Variants in COL14A1 observed in about 807,000 individuals in gnomAD.
The protein encoded by COL14A1 is collagen alpha-1(XIV) chain.
A neutral mutation model predicts 230.3 loss-of-function variants in COL14A1; 136 were observed. That is an observed-to-expected ratio of 0.59 (90% CI 0.51 to 0.68). The LOEUF (loss-of-function observed/expected upper bound fraction) is 0.68, where lower values mean the gene tolerates loss of function less well. Ranked by LOEUF, COL14A1 falls within the 30% of genes least tolerant of loss-of-function variation. COL14A1 has a pLI of 0.00. For synonymous variants in COL14A1, 792 were observed against 784.1 expected (o/e 1.01, Z -0.17); for missense variants, 1,976 against 2,215.8 (o/e 0.89, Z 2.17).
At position 120,285,882 on chromosome 8, in the gene COL14A1, A is replaced by G. The variant is rs1467442420; in HGVS notation, c.3989A>G (p.Tyr1330Cys). ...ILDNGGKTLTYFNYDQSGDFQ... is the reference protein window; with the variant it reads ...ILDNGGKTLTCFNYDQSGDFQ... ...ATAGATGGTGGGAAAACTCTAACAT[A>G]TTTCAACTATGACCAGAGTGGGGAT... Residue 1330 changes from tyrosine (Y) to cysteine (C), a missense_variant, in exon 33 of 48, where the codon TAT becomes TGT. Tyr to Cys is a radical substitution (Grantham distance 194). Around this residue, in one of 3 missense-constraint regions of COL14A1, gnomAD observed 1,791 missense variants for 2,019.5 expected, o/e 0.89. Transcript: ENST00000297848. 1.2e-6 allele frequency: 2 copies of G among 1,604,834 alleles called. No individual in the cohort carries two copies. The highest frequency in any genetic ancestry group is 1.7e-6 in the Non-Finnish European group (2 of 1,174,368).
chr8:120,324,092 A>T (rs1821565638), intron 40 of COL14A1, among the ~76,000 whole-genome samples: 1 of 152,096 alleles, frequency 6.6e-6, no homozygotes. Context: ...AGACAGGAGG[A>T]TGAGGATCAA....
At chr8:120,255,413 C>A in intron 23 of COL14A1, 57 bp downstream of exon 23, 4 of 1,253,896 alleles carry the variant, frequency 3.2e-6, no homozygotes, top group South Asian at 1.2e-5. Context: ...TGATTCTTTG[C>A]ACACCACTGT....
At chr8:120,247,528 T>C (rs1262612066) in intron 20 of COL14A1, 85 bp from the exon 21 acceptor site, 3 of 1,228,518 alleles carry the variant, frequency 2.4e-6, no homozygotes, top group Non-Finnish European at 3.3e-6. Flanking sequence ...TGTGGGAAGA[T>C]GTCTTATATT....
chr8:120,218,123 T>C (rs1301393107), intron 14 of COL14A1, among the ~76,000 whole-genome samples: 2 of 137,950 alleles, frequency 1.4e-5, no homozygotes, highest in East Asian at 3.9e-4. Flanking sequence ...TATATATCTA[T>C]ATAAAAATAT....
intron 2 of COL14A1, among the ~76,000 whole-genome samples, chr8:120,154,486 T>A (rs896687029): frequency 5.9e-5 from 9 of 152,146 alleles, no homozygotes; most frequent in Non-Finnish European, 1.2e-4. Context: ...AACTCTGCAG[T>A]GGAGTGGAAG....
At position 120,371,997 on chromosome 8, in the gene COL14A1, T is replaced by C. The variant is rs1037431062; in HGVS notation, c.*766T>C. 1.5e-5 allele frequency: 3 copies of C among 203,866 alleles called. No homozygotes were observed. The highest frequency in any genetic ancestry group is 2.3e-5 in the African/African-American group (1 of 44,132). The allele number at this position is 203,866 out of a possible 1,614,324, so 12.6% of individuals were successfully genotyped here. A position where few individuals can be genotyped will look rare whatever the true frequency, so the allele number is the denominator to read the frequency against. On this transcript the variant is annotated 3_prime_UTR_variant, in exon 48 of 48. Transcript: ENST00000297848. ...GCAGATAAGTTTTCGCAAACCTATT[T>C]CCATTTTCTTTTGTAAGCAAATAAA...
intron 38 of COL14A1, among the ~76,000 whole-genome samples, 154 bp from the exon 39 acceptor site, chr8:120,315,369 TAAAAAAAAAA>T (rs56356824): frequency 1.8e-5 from 2 of 111,856 alleles, no homozygotes; most frequent in African/African-American, 7.0e-5. Flanking sequence ...AGACTCCATT[TAAAAAAAAAA>T]AAAAAAAAAA....
At chr8:120,258,059 G>A (rs180872944) in intron 23 of COL14A1, among the ~76,000 whole-genome samples, 7 of 152,118 alleles carry the variant, frequency 4.6e-5, no homozygotes, top group South Asian at 2.1e-4. Context: ...GAATAGCCAC[G>A]TTGTATCATT....
chr8:120,156,208 C>G (rs535321226), intron 2 of COL14A1, among the ~76,000 whole-genome samples: 1 of 149,524 alleles, frequency 6.7e-6, no homozygotes, highest in East Asian at 2.0e-4. Context: ...CTCTCTGTCT[C>G]GTCCAGGCTG....
At chr8:120,203,065 G>A (rs1188045689) in intron 8 of COL14A1, among the ~76,000 whole-genome samples, 7 of 139,032 alleles carry the variant, frequency 5.0e-5, no homozygotes, top group Non-Finnish European at 1.1e-4. Context: ...TTATTTTATA[G>A]AAACTTAAAC....
chr8:120,298,623 A>ATATATATATG (rs1820607991), intron 35 of COL14A1, among the ~76,000 whole-genome samples: 1 of 122,456 alleles, frequency 8.2e-6, no homozygotes, highest in Non-Finnish European at 1.7e-5. Flanking sequence ...ATATATATAT[A>ATATATATATG]TATATATATA....
In COL14A1 at chr8:120,303,872, C is replaced by CT. The variant is rs375716593; in HGVS notation, c.4401+3063dup. 4.6e-3 allele frequency among the ~76,000 whole-genome samples: 691 copies of CT among 150,728 alleles called. 6 individuals carry two copies. Among genetic ancestry groups the CT allele is most frequent in the African/African-American group, 0.015 (636 of 41,134 alleles). The stretch of plus-strand genomic sequence containing the variant: ...GACTGTGAATCCATCTGGCCCTGGG[C>CT]TTTTTTTTTGGTTGCTAGACTATTT... On this transcript the variant is annotated intron_variant, in intron 36 of 47. Transcript: ENST00000297848.
At chr8:120,273,760 A>G (rs1336117993) in intron 26 of COL14A1, among the ~76,000 whole-genome samples, 1 of 151,310 alleles carries the variant, frequency 6.6e-6, no homozygotes, top group Non-Finnish European at 1.5e-5. Context: ...TGAGCAGACC[A>G]ACAACAGGCA....
At chr8:120,354,118 A>C (rs1822883429) in intron 45 of COL14A1, among the ~76,000 whole-genome samples, 1 of 115,746 alleles carries the variant, frequency 8.6e-6, no homozygotes, top group Non-Finnish European at 1.7e-5. Flanking sequence ...GGAAATCATC[A>C]TTCTCAGTAA....
chr8:120,178,016 C>G (rs1044200028), intron 5 of COL14A1, among the ~76,000 whole-genome samples: 1 of 151,974 alleles, frequency 6.6e-6, no homozygotes, highest in Admixed American at 6.6e-5. Context: ...TGATGGAGAT[C>G]TCACTGTGCA....
intron 42 of COL14A1, among the ~76,000 whole-genome samples, chr8:120,340,223 T>C (rs1028949081): frequency 2.0e-5 from 3 of 152,018 alleles, no homozygotes; most frequent in Admixed American, 2.0e-4. Flanking sequence ...GAGTCAATCA[T>C]GCATTTCTCT....
At chr8:120,182,297 G>T (rs769910195) in intron 5 of COL14A1, among the ~76,000 whole-genome samples, 2 of 152,082 alleles carry the variant, frequency 1.3e-5, no homozygotes, top group African/African-American at 4.8e-5. Flanking sequence ...AGGAATGCTC[G>T]GGCTTCTCTT....
chr8:120,370,965 T>C, intron 47 of COL14A1, 187 bp from the exon 48 acceptor site: 1 of 1,094,470 alleles, frequency 9.1e-7, no homozygotes, highest in Non-Finnish European at 1.3e-6. Context: ...AATGTATCTT[T>C]CCCTTCGTCT....
At chr8:120,289,891 A>G in intron 34 of COL14A1, 125 bp downstream of exon 34, 1 of 965,080 alleles carries the variant, frequency 1.0e-6, no homozygotes, top group Admixed American at 2.9e-5. Flanking sequence ...TGGATGAATG[A>G]ATGGATGGAT....
Sources: gnomAD v4.1 joint callset for allele counts (sites outside exome capture counted in the v4.1 genomes callset) on GRCh38, gnomAD v4.1.1 for gene constraint, gnomAD v4.1.1 regional missense constraint, MANE v1.5 for transcripts, NCBI Gene and HGNC (gene_info 2026-07-23, HGNC 2026-07-21) for gene names.